The following FGD6 variants were observed in gnomAD, a reference collection of about 807,000 sequenced individuals.
FGD6 encodes the protein FYVE, RhoGEF and PH domain-containing protein 6.
FGD6 carries 90 observed loss-of-function variants against 149.4 expected under a neutral mutation model. That is an observed-to-expected ratio of 0.60 (90% confidence interval 0.51 to 0.72). FGD6 has a LOEUF of 0.72. FGD6 is among the 30% of genes least tolerant of loss of function. The pLI, the probability that FGD6 is intolerant of heterozygous loss-of-function variation, is 0.00. For missense variants in FGD6, 1,437 were observed against 1,684.8 expected (o/e 0.85, Z 2.57); for synonymous variants, 527 against 584.0 (o/e 0.90, Z 1.41).
chr12:95,132,160 T>A (rs548355882), intron 8 of FGD6, among the ~76,000 whole-genome samples: 1 of 152,252 alleles, frequency 6.6e-6, no homozygotes, highest in African/African-American at 2.4e-5. Context: ...ATTCTTCTTC[T>A]TTTGTTTAAG....
rs1438053281 is a variant in FGD6 at position 95,134,744 on chromosome 12, A to C, written c.3077T>G (p.Leu1026Arg). The C allele has an allele frequency of 4.3e-6, 7 of 1,613,660 alleles. No individual in the cohort carries two copies. The change falls in exon 8 of 21, where the codon CTG becomes CGG. Residue 1026 changes from leucine (L) to arginine (R), a missense_variant. This residue lies in a region of FGD6 where 382 missense variants were observed against 538.7 expected (regional missense o/e 0.71). Transcript: ENST00000343958. ...VQRIPQYRLL[L>R]TDYLKNLIED... ...AAAATGCTGGAGAAGCCCACCTGTC[A>C]GCAACAGCCTGTACTGGGGGATCCT...
In FGD6 at chr12:95,092,769, G is replaced by A; in HGVS notation, c.3677C>T (p.Thr1226Ile). ...APIWIPDTRA[T>I]MCMICTSEFT... ...TTCGCTTGTGCAGATCATACACATT[G>A]TGGCTCTGGTATCAGGAATCCAGAT... The change falls in exon 16 of 21, where the codon ACA (threonine) becomes ATA (isoleucine). Residue 1226 changes from threonine (T) to isoleucine (I), a missense_variant. Transcript: ENST00000343958. 1 of 1,614,142 alleles carries A rather than the reference G, an allele frequency of 6.2e-7. No individual in the cohort carries two copies. Among genetic ancestry groups the A allele is most frequent in the East Asian group, 2.2e-5 (1 of 44,886 alleles).
intron 2 of FGD6, among the ~76,000 whole-genome samples, chr12:95,182,113 T>C (rs1370415295): frequency 6.6e-6 from 1 of 151,910 alleles, no homozygotes; most frequent in Non-Finnish European, 1.5e-5. Context: ...TCCTACTTGA[T>C]GCCAGAAAAA....
chr12:95,081,514 A>G lies in FGD6; in HGVS notation c.*6T>C, dbSNP rs1488953379. Reference sequence around the variant, plus strand: ...TGGAATCACAGAAGAGATGAAACCAATACTGCTACAATATTGTGCCTTCCT... The same window carrying G: ...TGGAATCACAGAAGAGATGAAACCAGTACTGCTACAATATTGTGCCTTCCT... On this transcript the variant is annotated 3_prime_UTR_variant, in exon 21 of 21. Transcript: ENST00000343958. 1 of 1,598,796 alleles carries G rather than the reference A, an allele frequency of 6.3e-7. No homozygotes were observed. Among genetic ancestry groups the G allele is most frequent in the South Asian group, 1.1e-5 (1 of 87,928 alleles).
At chr12:95,207,807 G>T (rs894429629) in intron 2 of FGD6, among the ~76,000 whole-genome samples, 1 of 152,142 alleles carries the variant, frequency 6.6e-6, no homozygotes, top group Admixed American at 6.5e-5. Context: ...AGCATAACTG[G>T]GTGGTCAGAA....
chr12:95,097,400 C>T (rs1878269572), intron 14 of FGD6, among the ~76,000 whole-genome samples: 1 of 152,032 alleles, frequency 6.6e-6, no homozygotes, highest in Non-Finnish European at 1.5e-5. Context: ...CTTTGGGAGG[C>T]CGAGGAGGGT....
chr12:95,123,452 T>C (rs1879249646), intron 8 of FGD6, among the ~76,000 whole-genome samples: 1 of 152,146 alleles, frequency 6.6e-6, no homozygotes, highest in African/African-American at 2.4e-5. Flanking sequence ...GGCAAAATTT[T>C]GACACAGATC....
chr12:95,209,713 TAAG>T lies in FGD6; in HGVS notation c.1568_1570del (p.Ser523del), dbSNP rs763481376. Reference sequence around the variant, plus strand: ...TGAACTTTTTTCTTCACTTGAAGGATAAGAACTTTTTTCCAAAAGCTCCTCGGA... The same window carrying T: ...TGAACTTTTTTCTTCACTTGAAGGATAACTTTTTTCCAAAAGCTCCTCGGA... On this transcript the variant is annotated inframe_deletion, in exon 2 of 21. Transcript: ENST00000343958. 20 of 1,614,142 alleles carry T rather than the reference TAAG, an allele frequency of 1.2e-5. No individual in the cohort carries two copies. Among genetic ancestry groups the T allele is most frequent in the Admixed American group, 1.7e-5 (1 of 59,998 alleles).
chr12:95,153,950 T>TGTGTGTGTGTGTGA (rs796248785), intron 3 of FGD6, among the ~76,000 whole-genome samples: 14 of 141,304 alleles, frequency 9.9e-5, no homozygotes, highest in Non-Finnish European at 1.4e-4. Flanking sequence ...TGTGTGTGAG[T>TGTGTGTGTGTGTGA]GAGAGAGAGA....
At chr12:95,140,944 G>C (rs892520865) in intron 6 of FGD6, among the ~76,000 whole-genome samples, 2 of 152,100 alleles carry the variant, frequency 1.3e-5, no homozygotes, top group African/African-American at 4.8e-5. Flanking sequence ...AATCAATCTG[G>C]TCAGGCATGG....
intron 2 of FGD6, among the ~76,000 whole-genome samples, chr12:95,187,053 C>T (rs61937926): frequency 0.29 from 43,993 of 152,022 alleles, 6,766 homozygotes; most frequent in East Asian, 0.39. Flanking sequence ...GACTTCAGGC[C>T]GGGCATAGTG....
chr12:95,132,609 G>A (rs1879554074), intron 8 of FGD6, among the ~76,000 whole-genome samples: 1 of 152,000 alleles, frequency 6.6e-6, no homozygotes, highest in Non-Finnish European at 1.5e-5. Flanking sequence ...AAAATTAGCT[G>A]GGCGTGGTGG....
At chr12:95,173,940 T>C (rs1881061100) in intron 2 of FGD6, among the ~76,000 whole-genome samples, 1 of 152,168 alleles carries the variant, frequency 6.6e-6, no homozygotes, top group Non-Finnish European at 1.5e-5. Flanking sequence ...GGATACAGAC[T>C]TGCCTCAGAA....
intron 8 of FGD6, among the ~76,000 whole-genome samples, chr12:95,115,871 A>G (rs1878993488): frequency 6.6e-6 from 1 of 152,210 alleles, no homozygotes; most frequent in African/African-American, 2.4e-5. Context: ...AGCCTGTGTG[A>G]GTCTAGACGT....
chr12:95,125,102 T>C (rs1029150803), intron 8 of FGD6, among the ~76,000 whole-genome samples: 1 of 152,092 alleles, frequency 6.6e-6, no homozygotes, highest in Non-Finnish European at 1.5e-5. Context: ...TATTCAGCAC[T>C]TAAAAAAAAT....
At position 95,209,789 on chromosome 12, in the gene FGD6, G is replaced by GT. The variant is rs2136303858; in HGVS notation, c.1494dup (p.Pro499ThrfsTer5). ...GTAGCAGGCAAGCTATGTCTTTGAGGTTTTTTGGGGACAATTCGTAGAGAA... is the reference window on the plus strand; with the variant it reads ...GTAGCAGGCAAGCTATGTCTTTGAGGTTTTTTTGGGGACAATTCGTAGAGAA... On this transcript the variant is annotated frameshift_variant, in exon 2 of 21. Coordinates refer to ENST00000343958, the MANE Select transcript of FGD6 (RefSeq NM_018351.4). LOFTEE classifies it high-confidence loss of function. The GT allele has an allele frequency of 2.5e-6, 4 of 1,611,790 alleles. No homozygotes were observed. The highest frequency in any genetic ancestry group is 2.2e-5 in the East Asian group (1 of 44,870).
chr12:95,084,317 T>A (rs975205682), intron 20 of FGD6, among the ~76,000 whole-genome samples, 181 bp downstream of exon 20: 8 of 152,228 alleles, frequency 5.3e-5, no homozygotes, highest in African/African-American at 1.9e-4. Flanking sequence ...ATATTCCAGA[T>A]ACCCCTGCCT....
intron 14 of FGD6, among the ~76,000 whole-genome samples, chr12:95,102,443 C>CAAAAAAAAAA (rs55926317): frequency 4.2e-4 from 44 of 104,200 alleles, no homozygotes; most frequent in Admixed American, 5.4e-4. Context: ...GACCCTTTCT[C>CAAAAAAAAAA]AAAAAAAAAA....
At chr12:95,202,390 A>AAAAATAAAAT (rs59414022) in intron 2 of FGD6, among the ~76,000 whole-genome samples, 4,551 of 141,746 alleles carry the variant, frequency 0.032, 144 homozygotes, top group African/African-American at 0.076. Flanking sequence ...CCATTTCCCA[A>AAAAATAAAAT]AAAATAAAAT....
Sources: allele counts gnomAD v4.1 joint callset (sites outside exome capture counted in the v4.1 genomes callset), GRCh38; gene constraint gnomAD v4.1.1; regional missense constraint gnomAD v4.1.1; transcripts MANE v1.5; gene names NCBI Gene and HGNC (gene_info 2026-07-23, HGNC 2026-07-21).